The following TSHZ2 variants were observed in gnomAD, a reference collection of about 807,000 sequenced individuals.
TSHZ2 encodes the protein teashirt homolog 2.
Under a neutral mutation model 74.4 loss-of-function variants are expected in TSHZ2, and 21 were observed. The observed-to-expected ratio is 0.28, with a 90% CI of 0.20 to 0.41. TSHZ2 has a LOEUF of 0.41. Among genes scored for constraint, TSHZ2 ranks in the 10% least tolerant of loss-of-function variants. The pLI is 1.00. For missense variants in TSHZ2, 1,244 were observed against 1,293.5 expected (o/e 0.96, Z 0.59); for synonymous variants, 540 against 515.3 (o/e 1.05, Z -0.65).
intron 1 of TSHZ2, among the ~76,000 whole-genome samples, chr20:52,997,384 T>C (rs924454777): frequency 6.6e-6 from 1 of 152,158 alleles, no homozygotes; most frequent in Admixed American, 6.5e-5. Flanking sequence ...ATTTCTAATC[T>C]GGGTCTGCTC....
intron 1 of TSHZ2, among the ~76,000 whole-genome samples, chr20:53,227,487 C>T (rs931099339): frequency 9.9e-5 from 15 of 151,960 alleles, no homozygotes; most frequent in African/African-American, 3.4e-4. Context: ...CACACACACA[C>T]ACACACACAC....
intron 2 of TSHZ2, among the ~76,000 whole-genome samples, chr20:53,303,097 G>A (rs1400159842): frequency 2.0e-5 from 3 of 152,152 alleles, no homozygotes; most frequent in Non-Finnish European, 4.4e-5. Flanking sequence ...TTAACCAAGA[G>A]GCAGAGCAAG....
intron 1 of TSHZ2, among the ~76,000 whole-genome samples, chr20:53,175,264 C>G (rs1988308013): frequency 6.6e-6 from 1 of 151,452 alleles, no homozygotes; most frequent in Admixed American, 6.6e-5. Flanking sequence ...CCTCAGCCTC[C>G]CGAGTAGCTG....
intron 2 of TSHZ2, among the ~76,000 whole-genome samples, chr20:53,342,867 A>G (rs2145571770): frequency 6.6e-6 from 1 of 150,598 alleles, no homozygotes; most frequent in East Asian, 2.0e-4. Flanking sequence ...GTACCTACTC[A>G]TCACCTGAGG....
At chr20:53,032,572 G>A (rs1254172404) in intron 1 of TSHZ2, among the ~76,000 whole-genome samples, 1 of 152,190 alleles carries the variant, frequency 6.6e-6, no homozygotes, top group Non-Finnish European at 1.5e-5. Context: ...CGATTGTTTT[G>A]TGAGTTCTTG....
At chr20:53,376,907 G>A (rs960440008) in intron 2 of TSHZ2, among the ~76,000 whole-genome samples, 1 of 152,222 alleles carries the variant, frequency 6.6e-6, no homozygotes, top group Non-Finnish European at 1.5e-5. Flanking sequence ...CATTCTATGG[G>A]TCAAAGTGAA....
chr20:53,397,797 T>C (rs902977042), intron 2 of TSHZ2: 7 of 152,094 alleles, frequency 4.6e-5, no homozygotes, highest in Non-Finnish European at 1.0e-4. Context: ...TACGTAGCCA[T>C]AAAAAAGGAT....
intron 1 of TSHZ2, among the ~76,000 whole-genome samples, chr20:53,137,029 T>C (rs1600707201): frequency 6.6e-6 from 1 of 152,132 alleles, no homozygotes; most frequent in Admixed American, 6.5e-5. Context: ...GGGAGGGTGG[T>C]GTGTCTGCCC....
At chr20:53,155,546 G>T (rs1188309491) in intron 1 of TSHZ2, among the ~76,000 whole-genome samples, 1 of 151,786 alleles carries the variant, frequency 6.6e-6, no homozygotes, top group African/African-American at 2.4e-5. Context: ...GGTCTGGGAA[G>T]GAGGGTGCAG....
At chr20:53,388,755 A>C (rs188148343) in intron 2 of TSHZ2, among the ~76,000 whole-genome samples, 1 of 151,806 alleles carries the variant, frequency 6.6e-6, no homozygotes, top group Non-Finnish European at 1.5e-5. Flanking sequence ...CTAATTTTGT[A>C]TTTTTAGTAG....
intron 1 of TSHZ2, among the ~76,000 whole-genome samples, chr20:53,110,361 C>G (rs189076331): frequency 6.6e-6 from 1 of 152,178 alleles, no homozygotes; most frequent in East Asian, 1.9e-4. Flanking sequence ...CAGACTTTCT[C>G]CGGCCCTCTC....
chr20:53,208,794 G>A (rs1989234331), intron 1 of TSHZ2: 1 of 152,282 alleles, frequency 6.6e-6, no homozygotes, highest in Non-Finnish European at 1.5e-5. Flanking sequence ...TAACCACTGT[G>A]CAGTGCTACC....
chr20:53,289,314 C>G (rs1358235666), intron 2 of TSHZ2, among the ~76,000 whole-genome samples: 13 of 152,114 alleles, frequency 8.5e-5, no homozygotes, highest in Admixed American at 8.5e-4. Context: ...CACTTCTTTT[C>G]CCCTGGGTAG....
chr20:53,323,563 C>CTTTGTTTTTTT (rs1979363419), intron 2 of TSHZ2, among the ~76,000 whole-genome samples: 1 of 36,662 alleles, frequency 2.7e-5, no homozygotes, highest in Non-Finnish European at 4.6e-5. Flanking sequence ...CCTTGGAGGG[C>CTTTGTTTTTTT]TTTTTTTTTT....
intron 1 of TSHZ2, among the ~76,000 whole-genome samples, chr20:53,055,649 A>G (rs1482582680): frequency 6.6e-6 from 1 of 151,996 alleles, no homozygotes; most frequent in Non-Finnish European, 1.5e-5. Context: ...TTTTCAGTTG[A>G]TATTTCCATG....
intron 2 of TSHZ2, among the ~76,000 whole-genome samples, chr20:53,469,563 A>G (rs763211523): frequency 9.2e-5 from 3 of 32,684 alleles, no homozygotes; most frequent in African/African-American, 3.7e-4. Context: ...GAGGGAAGGA[A>G]GGAAGGAAGG....
chr20:53,402,808 G>A (rs1039457501), intron 2 of TSHZ2, among the ~76,000 whole-genome samples: 1 of 152,146 alleles, frequency 6.6e-6, no homozygotes, highest in Non-Finnish European at 1.5e-5. Context: ...GCCCCAAGTG[G>A]GGTGGAGGAA....
intron 1 of TSHZ2, among the ~76,000 whole-genome samples, chr20:53,112,040 A>G (rs146867076): frequency 1.0e-3 from 158 of 152,308 alleles, no homozygotes; most frequent in African/African-American, 3.6e-3. Context: ...TCAAGAACTG[A>G]GAACCATGGC....
At chr20:53,023,803 T>C (rs1983335978) in intron 1 of TSHZ2, among the ~76,000 whole-genome samples, 1 of 152,232 alleles carries the variant, frequency 6.6e-6, no homozygotes, top group Non-Finnish European at 1.5e-5. Context: ...TCTAGTATTT[T>C]GAAAATTTTG....
Sources: gnomAD v4.1 joint callset for allele counts (sites outside exome capture counted in the v4.1 genomes callset) on GRCh38, gnomAD v4.1.1 for gene constraint, MANE v1.5 for transcripts, NCBI Gene and HGNC (gene_info 2026-07-23, HGNC 2026-07-21) for gene names.